DMAC1: variants seen among roughly 807,000 people sequenced by gnomAD.
The protein encoded by DMAC1 is distal membrane-arm assembly complex protein 1.
A neutral mutation model predicts 7.0 loss-of-function variants in DMAC1; 10 were observed. That is an observed-to-expected ratio of 1.43 (90% CI 0.88 to 2.43). The LOEUF is 2.43. DMAC1 is among the 30% of genes most tolerant of loss of function. The pLI, the probability that DMAC1 is intolerant of heterozygous loss-of-function variation, is 0.00. For missense variants in DMAC1, 219 were observed against 158.7 expected (o/e 1.38, Z -2.04); for synonymous variants, 92 against 66.2 (o/e 1.39, Z -1.90).
Position 7,799,666 on chromosome 9 carries a change from G to T in DMAC1, c.69C>A (p.Pro23=). ...GTGTAGCTGGGGGCGCAGGTTTGGC[G>T]GGCGCGGCGGCGGTACCGGGAGGCG... ...ITAPPGTAAA[P]AKPAPPATPG... The change falls in exon 1 of 2, where the codon CCC becomes CCA. Residue 23 remains proline (P), a synonymous_variant. Transcript: ENST00000358227. 4 of 1,608,046 alleles carry T rather than the reference G, an allele frequency of 2.5e-6. No homozygotes were observed. The highest frequency in any genetic ancestry group is 3.4e-6 in the Non-Finnish European group (4 of 1,178,252).
At chr9:7,799,418 C>T (rs758494046) in intron 1 of DMAC1, 43 bp downstream of exon 1, 2 of 1,606,274 alleles carry the variant, frequency 1.2e-6, no homozygotes, top group Non-Finnish European at 8.5e-7. Flanking sequence ...TCCTCTACCC[C>T]GCAGATACCC....
intron 1 of DMAC1, 25 bp downstream of exon 1, chr9:7,799,436 C>G (rs1263453367): frequency 6.2e-7 from 1 of 1,611,308 alleles, no homozygotes; most frequent in Non-Finnish European, 8.5e-7. Flanking sequence ...CCCAACCCGC[C>G]CAAGTGCTGT....
rs776405685 is a variant in DMAC1, at chr9:7,799,563, G to A, written c.172C>T (p.Leu58=). The A allele has an allele frequency of 3.7e-6, 6 of 1,613,380 alleles. No individual in the cohort carries two copies. Among genetic ancestry groups the A allele is most frequent in the Non-Finnish European group, 8.5e-7 (1 of 1,179,868 alleles). Residue 58 remains leucine (L), a synonymous_variant, in exon 1 of 2, where the codon CTG becomes TTG. Coordinates refer to ENST00000358227, the MANE Select transcript of DMAC1 (RefSeq NM_033428.3). ...TACACGTACCCGCCCGCCCCCATCA[G>A]CCCCAACCCAGAAAGCACGCGACAG... The part of the protein sequence containing the change: ...WSCRVLSGLG[L]MGAGGYVYWV...
chr9:7,799,657 A>C lies in DMAC1; in HGVS notation c.78T>G (p.Pro26=). The C allele has an allele frequency of 1.2e-6, 2 of 1,610,138 alleles. No homozygotes were observed. Among genetic ancestry groups the C allele is most frequent in the Non-Finnish European group, 8.5e-7 (1 of 1,178,882 alleles). The change falls in exon 1 of 2, where the codon CCT becomes CCG. Residue 26 remains proline (P), a synonymous_variant. Transcript: ENST00000358227. ...PPGTAAAPAK[P]APPATPGAPT... is the part of the protein sequence containing the mutation. ...GCGCTCCGGGTGTAGCTGGGGGCGC[A>C]GGTTTGGCGGGCGCGGCGGCGGTAC...
intron 1 of DMAC1, 101 bp from the exon 2 acceptor site, chr9:7,798,738 G>C (rs891947988): frequency 1.1e-6 from 1 of 940,874 alleles, no homozygotes. Flanking sequence ...CACTTCTGGA[G>C]GATATATTAC....
chr9:7,797,479 A>T lies in DMAC1; in HGVS notation c.*1094T>A, dbSNP rs1818631980. ...TACTACCTGCTCAACATGTCATTCC[A>T]AACAAATACACTATGATTAGCAGCT... On this transcript the variant is annotated 3_prime_UTR_variant, in exon 2 of 2. Transcript: ENST00000358227. 1 of 152,216 alleles carries T rather than the reference A, an allele frequency of 6.6e-6. No homozygotes were observed. Among genetic ancestry groups the T allele is most frequent in the Non-Finnish European group, 1.5e-5 (1 of 68,044 alleles). 9.4% of individuals were successfully genotyped at this position (152,216 alleles called of 1,614,324 possible). A position where few individuals can be genotyped will look rare whatever the true frequency, so the allele number is the denominator to read the frequency against.
intron 1 of DMAC1, 100 bp downstream of exon 1, chr9:7,799,361 G>A: frequency 1.5e-6 from 2 of 1,317,180 alleles, no homozygotes; most frequent in Non-Finnish European, 2.0e-6. Flanking sequence ...ACCAGCGGCA[G>A]CACCCCGCCT....
At position 7,799,216 on chromosome 9, in the gene DMAC1, C is replaced by T. The variant is rs181803001; in HGVS notation, c.274+245G>A. Among the ~76,000 whole-genome samples, 63 of 151,912 alleles carry T rather than the reference C, an allele frequency of 4.1e-4. 1 individual carries two copies. In the East Asian group the frequency reaches 0.012, roughly 29 times the overall value. The stretch of plus-strand genomic sequence containing the variant: ...ATACTATAATCATACCTACTTCTAA[C>T]AGCTATTCTGAGAATTAAAAGGGCT... On this transcript the variant is annotated intron_variant, in intron 1 of 1. Transcript: ENST00000358227.
At chr9:7,799,439 A>C in intron 1 of DMAC1, 22 bp downstream of exon 1, 3 of 1,611,112 alleles carry the variant, frequency 1.9e-6, no homozygotes, top group Non-Finnish European at 2.5e-6. Flanking sequence ...AACCCGCCCA[A>C]GTGCTGTGCC....
rs1027371938 is a variant in DMAC1 at position 7,796,807 on chromosome 9, C to A, written c.*1766G>T. 6.9e-6 allele frequency: 1 copy of A among 145,274 alleles called. No individual in the cohort carries two copies. Among genetic ancestry groups the A allele is most frequent in the Non-Finnish European group, 1.5e-5 (1 of 65,258 alleles). 9.0% of individuals were successfully genotyped at this position (145,274 alleles called of 1,614,324 possible). On this transcript the variant is annotated 3_prime_UTR_variant, in exon 2 of 2. Coordinates refer to ENST00000358227, the MANE Select transcript of DMAC1 (RefSeq NM_033428.3). ...ATTTTTTTTTTCTCTAGCTTACCTT[C>A]TTGTAAGAATACGGAATATAATACA...
Position 7,799,282 on chromosome 9 carries a change from A to T in DMAC1, c.274+179T>A, listed in dbSNP as rs1563830660. Among the ~76,000 whole-genome samples the T allele has an allele frequency of 2.8e-5, 4 of 141,644 alleles. No individual in the cohort carries two copies. In the South Asian group the frequency reaches 6.8e-4, roughly 24 times the overall value. The allele number at this position is 141,644 out of a possible 152,430, so 92.9% of individuals were successfully genotyped here. On this transcript the variant is annotated intron_variant, in intron 1 of 1. Coordinates refer to ENST00000358227, the MANE Select transcript of DMAC1 (RefSeq NM_033428.3). ...TCTCAAGAAATACTAACTTAAAATT[A>T]AAAAAAAAAAAAGAAAGGCGTTCCA... is the stretch of plus-strand genomic sequence containing the variant.
At chr9:7,798,716 T>C (rs933359477) in intron 1 of DMAC1, 79 bp from the exon 2 acceptor site, 11 of 1,233,784 alleles carry the variant, frequency 8.9e-6, no homozygotes, top group Admixed American at 5.1e-5. Flanking sequence ...CCATCTTATT[T>C]AACCCTCACA....
Position 7,799,608 on chromosome 9 carries a change from G to A in DMAC1, c.127C>T (p.Leu43=). ...GAPTSPAEHR[L]LKTCWSCRVL... ...CGACAGCTCCAGCAGGTCTTCAACA[G>A]GCGGTGTTCTGCTGGGGAGGTCGGC... is the stretch of plus-strand genomic sequence containing the variant. Residue 43 remains leucine, a synonymous_variant, in exon 1 of 2, where the codon CTG becomes TTG. Coordinates refer to ENST00000358227, the MANE Select transcript of DMAC1 (RefSeq NM_033428.3). 6.2e-7 allele frequency: 1 copy of A among 1,613,548 alleles called. No homozygotes were observed. The highest frequency in any genetic ancestry group is 8.5e-7 in the Non-Finnish European group (1 of 1,179,934).
intron 1 of DMAC1, among the ~76,000 whole-genome samples, chr9:7,798,878 C>A (rs1456851972): frequency 6.6e-6 from 1 of 152,128 alleles, no homozygotes; most frequent in Non-Finnish European, 1.5e-5. Context: ...ACCTAAAATT[C>A]TATTCACTGA....
At position 7,798,617 on chromosome 9, in the gene DMAC1, C is replaced by A. The variant is rs199675209; in HGVS notation, c.295G>T (p.Val99Phe). 4.4e-6 allele frequency: 7 copies of A among 1,592,064 alleles called. No homozygotes were observed. The African/African-American group carries it at 8.1e-5, about 18-fold the overall frequency. ...TTCCCTTTGGGGTCTGCCATGACAA[C>A]GATACCCCAGGTGGCAATGCCTAGA... Reference protein sequence around the residue: ...IGLSIATWGIVVMADPKGKAY... With the variant: ...IGLSIATWGIFVMADPKGKAY... The change falls in exon 2 of 2, where the codon GTT becomes TTT. Residue 99 changes from valine (V) to phenylalanine (F), a missense_variant. Physicochemically the swap from Val to Phe is conservative, Grantham distance 50. Coordinates refer to ENST00000358227, the MANE Select transcript of DMAC1 (RefSeq NM_033428.3).
rs368978298 is a variant in DMAC1 at position 7,799,770 on chromosome 9, G to A, written c.-36C>T. On this transcript the variant is annotated 5_prime_UTR_variant, in exon 1 of 2. Coordinates refer to ENST00000358227, the MANE Select transcript of DMAC1 (RefSeq NM_033428.3). ...TCGGCCTCAACCTTGGGCGTCTTTG[G>A]TTCAAACTGGCGTAAACGACGCACC... The A allele has an allele frequency of 1.5e-5, 22 of 1,496,122 alleles. No individual in the cohort carries two copies. The highest frequency in any genetic ancestry group is 1.8e-5 in the Non-Finnish European group (20 of 1,128,714). The allele number at this position is 1,496,122 out of a possible 1,614,324, so 92.7% of individuals were successfully genotyped here.
rs779770968 is a variant in DMAC1 at position 7,799,743 on chromosome 9, A to G, written c.-9T>C. 3 of 1,514,018 alleles carry G rather than the reference A, an allele frequency of 2.0e-6. No individual in the cohort carries two copies. The highest frequency in any genetic ancestry group is 2.6e-6 in the Non-Finnish European group (3 of 1,135,414). 93.8% of individuals were successfully genotyped at this position (1,514,018 alleles called of 1,614,324 possible). ...GACAACCGAGACCCCATGCTCTGGA[A>G]CTCGGCCTCAACCTTGGGCGTCTTT... On this transcript the variant is annotated 5_prime_UTR_variant, in exon 1 of 2. Coordinates refer to ENST00000358227, the MANE Select transcript of DMAC1 (RefSeq NM_033428.3).
intron 1 of DMAC1, 65 bp from the exon 2 acceptor site, chr9:7,798,702 T>C (rs1210182468): frequency 9.7e-6 from 13 of 1,344,818 alleles, no homozygotes; most frequent in East Asian, 7.0e-5. Context: ...GTTTCACATA[T>C]ACGCCATCTT....
chr9:7,798,120 T>A lies in DMAC1; in HGVS notation c.*453A>T, dbSNP rs2990601. 34,947 of 152,410 alleles carry A rather than the reference T, an allele frequency of 0.23. 4,176 individuals carry two copies. The highest frequency in any genetic ancestry group is 0.27 in the Non-Finnish European group (18,321 of 68,254). The allele number at this position is 152,410 out of a possible 1,614,324, so 9.4% of individuals were successfully genotyped here. On this transcript the variant is annotated 3_prime_UTR_variant, in exon 2 of 2. Coordinates refer to ENST00000358227, the MANE Select transcript of DMAC1 (RefSeq NM_033428.3). ...AAGAAATAAAAAGAACTCTTTAAAA[T>A]AATGAAGTAAAATAGCTAATTTTCC... is the stretch of plus-strand genomic sequence containing the variant.
Sources: gnomAD v4.1 joint callset for allele counts (sites outside exome capture counted in the v4.1 genomes callset) on GRCh38, gnomAD v4.1.1 for gene constraint, MANE v1.5 for transcripts, NCBI Gene and HGNC (gene_info 2026-07-23, HGNC 2026-07-21) for gene names.